Variants in ACTR1B observed in about 807,000 individuals in gnomAD.
The protein encoded by ACTR1B is actin related protein 1B.
In ACTR1B, 34 loss-of-function variants were observed where a neutral mutation model predicts 49.4. The ratio of observed to expected loss-of-function variants is 0.69; its 90% CI spans 0.52 to 0.92. ACTR1B has a LOEUF of 0.92. Ranked by LOEUF, ACTR1B falls within the 40% of genes least tolerant of loss-of-function variation. ACTR1B has a pLI of 0.00. For synonymous variants in ACTR1B, 207 were observed against 207.8 expected (o/e 1.00, Z 0.03); for missense variants, 471 against 522.4 (o/e 0.90, Z 0.96).
chr2:97,658,693 C>G lies in ACTR1B; in HGVS notation c.441-50G>C, dbSNP rs1674927697. ...ACCTCAGCCACTGAGGCACGGGGAC[C>G]TCCTCACCCAGGGGAGGAACCCTGG... On this transcript the variant is annotated intron_variant, in intron 5 of 10. Coordinates refer to ENST00000289228, the MANE Select transcript of ACTR1B (RefSeq NM_005735.4). The surrounding 1 kb of genome is among the most constrained non-coding windows in gnomAD (Gnocchi z 5.9). 6.2e-7 allele frequency: 1 copy of G among 1,603,076 alleles called. No homozygotes were observed. The highest frequency in any genetic ancestry group is 1.7e-5 in the Admixed American group (1 of 59,972).
rs779594287 is a variant in ACTR1B at position 97,657,141 on chromosome 2, C to T, written c.1028+11G>A. The T allele has an allele frequency of 1.4e-5, 23 of 1,612,538 alleles. No individual in the cohort carries two copies. The highest frequency in any genetic ancestry group is 2.0e-5 in the Non-Finnish European group (23 of 1,179,166). ...TCTCCTCCCAGAGCCCTCCCTTGAG[C>T]CCCGCCTCACCCAATCCATGTGGAG... On this transcript the variant is annotated intron_variant, in intron 10 of 10. Transcript: ENST00000289228.
chr2:97,657,548 C>T (rs374350842), intron 8 of ACTR1B, 39 bp from the exon 9 acceptor site: 24 of 1,605,058 alleles, frequency 1.5e-5, no homozygotes, highest in African/African-American at 1.3e-4. Context: ...GGTCTGCACC[C>T]GGCCTCCTCG....
Position 97,656,797 on chromosome 2 carries a change from G to C in ACTR1B, c.*61C>G. The C allele has an allele frequency of 7.1e-7, 1 of 1,416,376 alleles. No homozygotes were observed. Among genetic ancestry groups the C allele is most frequent in the Non-Finnish European group, 9.8e-7 (1 of 1,024,708 alleles). The allele number at this position is 1,416,376 out of a possible 1,614,324, so 87.7% of individuals were successfully genotyped here. On this transcript the variant is annotated 3_prime_UTR_variant, in exon 11 of 11. Coordinates refer to ENST00000289228, the MANE Select transcript of ACTR1B (RefSeq NM_005735.4). ...TAGTATACGAGCCAAGACCAAAAAGGGTTAAAGGCTCTGTCTCCCCTCCCT... is the reference window on the plus strand; with the variant it reads ...TAGTATACGAGCCAAGACCAAAAAGCGTTAAAGGCTCTGTCTCCCCTCCCT...
chr2:97,657,194 TAGA>T lies in ACTR1B; in HGVS notation c.988-5_988-3del, dbSNP rs780542801. The T allele has an allele frequency of 2.5e-6, 4 of 1,613,150 alleles. No homozygotes were observed. Among genetic ancestry groups the T allele is most frequent in the Admixed American group, 1.7e-5 (1 of 59,960 alleles). ...CAGCCGTTCCTGCGGGGCTGAGATC[TAGA>T]AGGAGGAAGTGGCCACGTTAACTGT... On this transcript the variant is annotated splice_polypyrimidine_tract_variant and splice_region_variant and intron_variant, in intron 9 of 10. Coordinates refer to ENST00000289228, the MANE Select transcript of ACTR1B (RefSeq NM_005735.4).
rs1674945642 is a variant in ACTR1B, at chr2:97,659,227, C to T, written c.315+125G>A. 6.7e-7 allele frequency: 1 copy of T among 1,494,680 alleles called. No individual in the cohort carries two copies. Among genetic ancestry groups the T allele is most frequent in the Non-Finnish European group, 9.1e-7 (1 of 1,100,072 alleles). The allele number at this position is 1,494,680 out of a possible 1,614,324, so 92.6% of individuals were successfully genotyped here. A position where few individuals can be genotyped will look rare whatever the true frequency, so the allele number is the denominator to read the frequency against. ...GGGTACGTATGCGCACCCAGACACA[C>T]ACGGAAAGGCAGCAGGCCCTCTAGA... is the stretch of plus-strand genomic sequence containing the variant. On this transcript the variant is annotated intron_variant, in intron 4 of 10. Transcript: ENST00000289228. This position sits in a 1 kb window ranked among gnomAD's most constrained non-coding sequence, Gnocchi z 4.0.
chr2:97,660,953 A>G (rs1674998471), intron 2 of ACTR1B, among the ~76,000 whole-genome samples: 1 of 152,198 alleles, frequency 6.6e-6, no homozygotes, highest in African/African-American at 2.4e-5. Context: ...ACAGTGACTC[A>G]GCCCACGCTC....
Position 97,659,100 on chromosome 2 carries a change from G to C in ACTR1B, c.316-97C>G. The C allele has an allele frequency of 6.3e-7, 1 of 1,574,888 alleles. No individual in the cohort carries two copies. Among genetic ancestry groups the C allele is most frequent in the Non-Finnish European group, 8.7e-7 (1 of 1,153,874 alleles). ...AACCACACCCGCTGGCGCACAGGCA[G>C]CTCAGCCTCCTACCCCTCCTGAGGG... On this transcript the variant is annotated intron_variant, in intron 4 of 10. Transcript: ENST00000289228. The surrounding 1 kb of genome is among the most constrained non-coding windows in gnomAD (Gnocchi z 4.0).
rs997109120 is a variant in ACTR1B, at chr2:97,658,223, C to T, written c.750+1G>A. 6.2e-7 allele frequency: 1 copy of T among 1,614,106 alleles called. No homozygotes were observed. Among genetic ancestry groups the T allele is most frequent in the East Asian group, 2.2e-5 (1 of 44,876 alleles). On this transcript the variant is annotated splice_donor_variant, in intron 7 of 10. Transcript: ENST00000289228. LOFTEE classifies it high-confidence loss of function. This position sits in a 1 kb window ranked among gnomAD's most constrained non-coding sequence, Gnocchi z 5.9. ...CTCCAGTGCCAGGCCCGGCCACTTA[C>T]ATCAAGCGTGCTGCCGTCTGGCAAC...
At chr2:97,656,993 C>G in intron 10 of ACTR1B, 33 bp from the exon 11 acceptor site, 1 of 1,581,716 alleles carries the variant, frequency 6.3e-7, no homozygotes, top group East Asian at 2.3e-5. Flanking sequence ...TTGCTGTGGA[C>G]CTGTCAGGGA....
intron 3 of ACTR1B, among the ~76,000 whole-genome samples, chr2:97,660,202 G>A (rs986613812): frequency 6.6e-6 from 1 of 152,224 alleles, no homozygotes; most frequent in African/African-American, 2.4e-5. Context: ...ATGCTCTCCT[G>A]AGGGTCTGAT....
intron 1 of ACTR1B, among the ~76,000 whole-genome samples, chr2:97,662,179 G>A (rs1675030864): frequency 6.6e-6 from 1 of 152,144 alleles, no homozygotes; most frequent in Non-Finnish European, 1.5e-5. Flanking sequence ...ATGCAGTGGG[G>A]GATGCTATTG....
At chr2:97,662,005 C>G (rs562517553) in intron 1 of ACTR1B, 59 bp from the exon 2 acceptor site, 2 of 1,525,518 alleles carry the variant, frequency 1.3e-6, no homozygotes, top group African/African-American at 2.7e-5. Flanking sequence ...GCCAGTCCCC[C>G]GCAATGGAGA....
In ACTR1B at chr2:97,661,950, C is replaced by A. The variant is rs767030386; in HGVS notation, c.49-4G>T. ...CAGCTTTAATCACCCCCGAACCCTG[C>A]AAGGAAAAACAAAGTTGAGCTGCCC... On this transcript the variant is annotated splice_region_variant and splice_polypyrimidine_tract_variant and intron_variant, in intron 1 of 10. Coordinates refer to ENST00000289228, the MANE Select transcript of ACTR1B (RefSeq NM_005735.4). 5.7e-6 allele frequency: 9 copies of A among 1,584,392 alleles called. No individual in the cohort carries two copies. The highest frequency in any genetic ancestry group is 1.2e-5 in the South Asian group (1 of 86,886).
chr2:97,659,211 T>C lies in ACTR1B; in HGVS notation c.315+141A>G, dbSNP rs1406111171. 2.8e-6 allele frequency: 4 copies of C among 1,439,988 alleles called. No individual in the cohort carries two copies. In the East Asian group the frequency reaches 6.9e-5, roughly 25 times the overall value. The allele number at this position is 1,439,988 out of a possible 1,614,324, so 89.2% of individuals were successfully genotyped here. ...CTGCCTAGCAGCCACTGGGTACGTA[T>C]GCGCACCCAGACACACACGGAAAGG... is the stretch of plus-strand genomic sequence containing the variant. On this transcript the variant is annotated intron_variant, in intron 4 of 10. Transcript: ENST00000289228. The surrounding 1 kb of genome is among the most constrained non-coding windows in gnomAD (Gnocchi z 4.0).
rs893631662 is a variant in ACTR1B, at chr2:97,659,279, G to C, written c.315+73C>G. The C allele has an allele frequency of 2.5e-6, 4 of 1,600,998 alleles. No individual in the cohort carries two copies. The South Asian group carries it at 4.4e-5, about 18-fold the overall frequency. On this transcript the variant is annotated intron_variant, in intron 4 of 10. Transcript: ENST00000289228. This position sits in a 1 kb window ranked among gnomAD's most constrained non-coding sequence, Gnocchi z 4.0. ...ATGTAGAAGGGAAATGTGGGAGCCC[G>C]GCGAGGAGGGACGCAGAGGAGAGGG...
chr2:97,660,910 C>T (rs1013307414), intron 2 of ACTR1B, among the ~76,000 whole-genome samples: 16 of 152,156 alleles, frequency 1.1e-4, no homozygotes, highest in African/African-American at 3.6e-4. Context: ...CCTCCATGGC[C>T]CAGCCCTTGC....
intron 9 of ACTR1B, 89 bp downstream of exon 9, chr2:97,657,359 G>A: frequency 1.3e-6 from 2 of 1,512,210 alleles, no homozygotes; most frequent in Non-Finnish European, 1.8e-6. Context: ...GTGAGCTGGT[G>A]AGCGGGTCTG....
At chr2:97,657,040 C>T in intron 10 of ACTR1B, 80 bp from the exon 11 acceptor site, 9 of 1,580,700 alleles carry the variant, frequency 5.7e-6, no homozygotes, top group Non-Finnish European at 7.8e-6. Flanking sequence ...GTTGCATTTC[C>T]CTAATTTGGG....
At position 97,656,935 on chromosome 2, in the gene ACTR1B, T is replaced by C; in HGVS notation, c.1054A>G (p.Thr352Ala). 1 of 1,595,206 alleles carries C rather than the reference T, an allele frequency of 6.3e-7. No homozygotes were observed. Among genetic ancestry groups the C allele is most frequent in the Non-Finnish European group, 8.5e-7 (1 of 1,170,724 alleles). ...TTGGACACCCACATCTTCTTAAAAGTGTCCAGCGAGGCCAGGATGGAGCCG... is the reference window on the plus strand; with the variant it reads ...TTGGACACCCACATCTTCTTAAAAGCGTCCAGCGAGGCCAGGATGGAGCCG... ...IGGSILASLD[T>A]FKKMWVSKKE... Residue 352 changes from threonine (T) to alanine (A), a missense_variant, in exon 11 of 11, where the codon ACT (threonine) becomes GCT (alanine). Physicochemically the swap from Thr to Ala is moderately conservative, Grantham distance 58. Coordinates refer to ENST00000289228, the MANE Select transcript of ACTR1B (RefSeq NM_005735.4).
Sources: gnomAD v4.1 joint callset for allele counts (sites outside exome capture counted in the v4.1 genomes callset) on GRCh38, gnomAD v4.1.1 for gene constraint, Gnocchi (gnomAD v3.1) non-coding constraint, MANE v1.5 for transcripts, NCBI Gene and HGNC (gene_info 2026-07-23, HGNC 2026-07-21) for gene names.